TTLL5: variants seen among roughly 807,000 people sequenced by gnomAD.
The protein encoded by TTLL5 is tubulin tyrosine ligase like 5.
In TTLL5, 132 loss-of-function variants were observed where a neutral mutation model predicts 168.4. The observed-to-expected ratio is 0.78, with a 90% CI of 0.68 to 0.91. TTLL5 has a LOEUF of 0.91. Among genes scored for constraint, TTLL5 ranks in the 40% least tolerant of loss-of-function variants. The pLI is 0.00. For missense variants in TTLL5, 1,545 were observed against 1,581.5 expected, an observed-to-expected ratio of 0.98 and a Z score of 0.39; for synonymous variants, 546 against 558.6, an observed-to-expected ratio of 0.98 and a Z score of 0.32.
chr14:75,949,660 G>A lies in TTLL5; in HGVS notation c.3824-4764G>A, dbSNP rs373246106. ...TCCTAGGAGTTCAAGACCAGCCTGG[G>A]CAACATGGCAAACCCCCGTCTCTAC... is the stretch of plus-strand genomic sequence containing the variant. On this transcript the variant is annotated intron_variant, in intron 31 of 31. Coordinates refer to ENST00000298832, the MANE Select transcript of TTLL5 (RefSeq NM_015072.5). 3.1e-4 allele frequency among the ~76,000 whole-genome samples: 47 copies of A among 151,582 alleles called. 1 individual carries two copies. The East Asian group carries it at 5.8e-3, about 19-fold the overall frequency.
intron 26 of TTLL5, among the ~76,000 whole-genome samples, chr14:75,784,894 G>A (rs1892274047): frequency 2.0e-5 from 3 of 152,056 alleles, no homozygotes; most frequent in Admixed American, 2.0e-4. Flanking sequence ...CTTCTTTGGA[G>A]GAATGTCTAT....
At chr14:75,710,152 A>G (rs554667770) in intron 9 of TTLL5, 2 of 152,308 alleles carry the variant, frequency 1.3e-5, no homozygotes, top group Admixed American at 6.5e-5. Context: ...CATCATAGCA[A>G]TATGTTTTGC....
intron 31 of TTLL5, among the ~76,000 whole-genome samples, chr14:75,915,272 G>C (rs1292356723): frequency 6.6e-6 from 1 of 152,080 alleles, no homozygotes; most frequent in Non-Finnish European, 1.5e-5. Flanking sequence ...TAATCTGACA[G>C]GTGTTGAGTA....
chr14:75,817,830 C>CTTTTTTTTTTTTTTTTTTT (rs1045988787), intron 27 of TTLL5, among the ~76,000 whole-genome samples: 100 of 83,864 alleles, frequency 1.2e-3, no homozygotes, highest in Non-Finnish European at 1.4e-3. Context: ...CTTTTCTTTT[C>CTTTTTTTTTTTTTTTTTTT]TTTTTTTTTT....
intron 28 of TTLL5, among the ~76,000 whole-genome samples, chr14:75,856,860 T>G (rs973276550): frequency 8.5e-5 from 13 of 152,124 alleles, no homozygotes; most frequent in African/African-American, 3.1e-4. Context: ...CTCCTAACTT[T>G]GTGATCTGCC....
At chr14:75,669,370 T>C in intron 2 of TTLL5, 46 bp from the exon 3 acceptor site, 1 of 1,551,578 alleles carries the variant, frequency 6.4e-7, no homozygotes, top group South Asian at 1.1e-5. Context: ...AGCAGTTAGT[T>C]CAGGTTTTGA....
chr14:75,730,045 A>G (rs943762994), intron 12 of TTLL5, among the ~76,000 whole-genome samples: 5 of 152,180 alleles, frequency 3.3e-5, no homozygotes, highest in Admixed American at 2.6e-4. Flanking sequence ...ATCAATTACT[A>G]TTTTCACCCT....
intron 28 of TTLL5, among the ~76,000 whole-genome samples, chr14:75,852,945 A>G (rs1896942040): frequency 1.3e-5 from 2 of 152,350 alleles, no homozygotes; most frequent in Admixed American, 6.5e-5. Flanking sequence ...TATTAAGTTT[A>G]TATCTAAGTG....
intron 31 of TTLL5, among the ~76,000 whole-genome samples, chr14:75,938,139 A>G (rs934629793): frequency 6.6e-6 from 1 of 152,254 alleles, no homozygotes; most frequent in African/African-American, 2.4e-5. Flanking sequence ...TAAAATTAGC[A>G]TCATGGATGA....
chr14:75,692,249 A>T (rs577033153), intron 6 of TTLL5, among the ~76,000 whole-genome samples: 2 of 152,312 alleles, frequency 1.3e-5, no homozygotes, highest in African/African-American at 4.8e-5. Flanking sequence ...GTGGCTTGAT[A>T]AATGTTTAAT....
intron 28 of TTLL5, among the ~76,000 whole-genome samples, chr14:75,839,930 G>A (rs1896130024): frequency 6.6e-6 from 1 of 152,132 alleles, no homozygotes; most frequent in Non-Finnish European, 1.5e-5. Flanking sequence ...TTATTGTTGA[G>A]CTTTAGGAGT....
At chr14:75,841,593 G>T (rs1325343337) in intron 28 of TTLL5, among the ~76,000 whole-genome samples, 2 of 152,134 alleles carry the variant, frequency 1.3e-5, no homozygotes, top group East Asian at 3.8e-4. Flanking sequence ...CTTAGTACAT[G>T]TTGTGAAGTT....
At chr14:75,716,613 C>A (rs1165897716) in intron 9 of TTLL5, among the ~76,000 whole-genome samples, 1 of 149,114 alleles carries the variant, frequency 6.7e-6, no homozygotes, top group Non-Finnish European at 1.5e-5. Flanking sequence ...TTTTTTTTTT[C>A]ACACACTTGG....
At chr14:75,766,563 TA>T (rs926158112) in intron 20 of TTLL5, among the ~76,000 whole-genome samples, 195 bp downstream of exon 20, 1 of 152,094 alleles carries the variant, frequency 6.6e-6, no homozygotes, top group African/African-American at 2.4e-5. Context: ...TTGTCTAAGG[TA>T]GAGCTATGAT....
At chr14:75,680,999 C>T (rs1200744003) in intron 3 of TTLL5, among the ~76,000 whole-genome samples, 1 of 151,872 alleles carries the variant, frequency 6.6e-6, no homozygotes, top group Non-Finnish European at 1.5e-5. Flanking sequence ...TGGGCCTCTT[C>T]GCAGAAGAGT....
chr14:75,821,432 A>C (rs749567532), intron 28 of TTLL5, among the ~76,000 whole-genome samples: 1 of 152,232 alleles, frequency 6.6e-6, no homozygotes, highest in African/African-American at 2.4e-5. Flanking sequence ...AAAAATTTCC[A>C]GATATTCCAT....
intron 26 of TTLL5, among the ~76,000 whole-genome samples, chr14:75,790,860 G>A (rs1892659553): frequency 6.7e-6 from 1 of 149,930 alleles, no homozygotes; most frequent in South Asian, 2.1e-4. Flanking sequence ...ACTTTGGGAG[G>A]CCAAGGCAGA....
intron 31 of TTLL5, among the ~76,000 whole-genome samples, chr14:75,923,869 G>A (rs1381555187): frequency 3.1e-4 from 47 of 152,154 alleles, no homozygotes; most frequent in Non-Finnish European, 2.1e-4. Context: ...CTAAGAACTT[G>A]CTTTATGAAT....
Position 75,944,909 on chromosome 14 carries a change from T to C in TTLL5, c.3824-9515T>C, listed in dbSNP as rs139366925. On this transcript the variant is annotated intron_variant, in intron 31 of 31. Transcript: ENST00000298832. ...TGGCATATGACCTCCTAGGGACATT[T>C]GGCTGGTAAGGGAAAAACGCTTCAA... is the stretch of plus-strand genomic sequence containing the variant. 5.6e-3 allele frequency among the ~76,000 whole-genome samples: 846 copies of C among 152,202 alleles called. 12 individuals are homozygous for C. The highest frequency in any genetic ancestry group is 0.027 in the South Asian group (129 of 4,826).
Sources: allele counts gnomAD v4.1 joint callset (sites outside exome capture counted in the v4.1 genomes callset), GRCh38; gene constraint gnomAD v4.1.1; transcripts MANE v1.5; gene names NCBI Gene and HGNC (gene_info 2026-07-23, HGNC 2026-07-21).